SLC13A4: variants seen among roughly 807,000 people sequenced by gnomAD.
The protein encoded by SLC13A4 is solute carrier family 13 member 4.
SLC13A4 carries 28 observed loss-of-function variants against 72.7 expected under a neutral mutation model. The observed-to-expected ratio is 0.39, with a 90% CI of 0.29 to 0.53. The LOEUF (loss-of-function observed/expected upper bound fraction) is 0.53, where lower values mean the gene tolerates loss of function less well. Ranked by LOEUF, SLC13A4 falls within the 20% of genes least tolerant of loss-of-function variation. The probability of loss-of-function intolerance (pLI) is 0.78; values close to 1 mark genes in which losing one functional copy is unlikely to be tolerated. For missense variants in SLC13A4, 653 were observed against 788.0 expected (o/e 0.83, Z 2.05); for synonymous variants, 312 against 325.5 (o/e 0.96, Z 0.45).
chr7:135,691,072 G>A (rs781046369), intron 13 of SLC13A4, 129 bp downstream of exon 13: 14 of 752,674 alleles, frequency 1.9e-5, no homozygotes, highest in Non-Finnish European at 2.4e-5. Flanking sequence ...GCTGAGGCAA[G>A]AGAATCGCTT....
chr7:135,716,945 A>G (rs1162939365), intron 2 of SLC13A4, among the ~76,000 whole-genome samples: 1 of 152,188 alleles, frequency 6.6e-6, no homozygotes, highest in African/African-American at 2.4e-5. Context: ...CTAAAAGCCA[A>G]GGGTCTTTTT....
chr7:135,720,692 T>A (rs1050260693), intron 2 of SLC13A4, among the ~76,000 whole-genome samples: 2 of 152,052 alleles, frequency 1.3e-5, no homozygotes, highest in African/African-American at 4.8e-5. Flanking sequence ...CTGGCTGTTT[T>A]GTTTTGTTTT....
intron 9 of SLC13A4, among the ~76,000 whole-genome samples, chr7:135,695,036 T>C (rs1288611508): frequency 1.3e-5 from 2 of 152,216 alleles, no homozygotes; most frequent in Non-Finnish European, 2.9e-5. Context: ...CTTGGAGTAA[T>C]TGGAAGTGCT....
intron 2 of SLC13A4, among the ~76,000 whole-genome samples, chr7:135,714,244 C>T (rs187819274): frequency 6.6e-6 from 1 of 152,134 alleles, no homozygotes; most frequent in East Asian, 1.9e-4. Flanking sequence ...GTAGAGAGAC[C>T]CAGATGGGTG....
intron 8 of SLC13A4, among the ~76,000 whole-genome samples, chr7:135,696,494 A>T (rs1795908213): frequency 6.6e-6 from 1 of 152,080 alleles, no homozygotes; most frequent in Non-Finnish European, 1.5e-5. Flanking sequence ...GATTACATAC[A>T]GGAGCACACT....
chr7:135,718,212 A>T (rs1307086954), intron 2 of SLC13A4, among the ~76,000 whole-genome samples: 5 of 152,034 alleles, frequency 3.3e-5, no homozygotes, highest in Non-Finnish European at 7.4e-5. Context: ...GAGAGATGAC[A>T]TTTTGTTTAT....
chr7:135,681,433 G>A lies in SLC13A4; in HGVS notation c.*130C>T. The A allele has an allele frequency of 1.7e-6, 2 of 1,159,364 alleles. No homozygotes were observed. The highest frequency in any genetic ancestry group is 2.4e-6 in the Non-Finnish European group (2 of 829,916). The allele number at this position is 1,159,364 out of a possible 1,614,324, so 71.8% of individuals were successfully genotyped here. A position where few individuals can be genotyped will look rare whatever the true frequency, so the allele number is the denominator to read the frequency against. ...ACTTGAGGTGGCGGAATCTTCTGGT[G>A]GAGGGATGCCCTCCGGCGTGGGTCT... On this transcript the variant is annotated 3_prime_UTR_variant, in exon 16 of 16. Transcript: ENST00000682651.
chr7:135,722,006 C>G (rs935754506), intron 1 of SLC13A4, among the ~76,000 whole-genome samples: 1 of 152,098 alleles, frequency 6.6e-6, no homozygotes, highest in Non-Finnish European at 1.5e-5. Flanking sequence ...TTTGGGAGGC[C>G]AAGGTGGGAG....
At chr7:135,724,096 TC>T (rs1353097029) in intron 1 of SLC13A4, among the ~76,000 whole-genome samples, 1 of 152,204 alleles carries the variant, frequency 6.6e-6, no homozygotes. Flanking sequence ...TGTCTGCCCC[TC>T]ACTGGGGACC....
intron 13 of SLC13A4, among the ~76,000 whole-genome samples, chr7:135,687,422 T>A (rs1253861148): frequency 3.3e-5 from 5 of 152,206 alleles, no homozygotes; most frequent in Non-Finnish European, 7.3e-5. Flanking sequence ...CTTTTTCTCC[T>A]CTCTTCCAAA....
intron 4 of SLC13A4, 63 bp from the exon 5 acceptor site, chr7:135,705,713 G>T: frequency 6.8e-7 from 1 of 1,468,876 alleles, no homozygotes; most frequent in South Asian, 1.1e-5. Flanking sequence ...CTGTGGGTTG[G>T]AGCATAGCTC....
intron 5 of SLC13A4, chr7:135,703,211 A>G (rs780099214): frequency 9.4e-5 from 29 of 310,024 alleles, no homozygotes; most frequent in Non-Finnish European, 1.6e-4. Flanking sequence ...GTTAATCCTC[A>G]TCACAGATCT....
At chr7:135,725,916 C>CTACGA (rs1796645212) in intron 1 of SLC13A4, among the ~76,000 whole-genome samples, 1 of 152,290 alleles carries the variant, frequency 6.6e-6, no homozygotes, top group Admixed American at 6.5e-5. Context: ...CTGCAGTGAG[C>CTACGA]TACGATTGTG....
chr7:135,723,644 G>A (rs909038565), intron 1 of SLC13A4, among the ~76,000 whole-genome samples: 2 of 152,310 alleles, frequency 1.3e-5, no homozygotes, highest in East Asian at 1.9e-4. Context: ...GGCCCCTTGA[G>A]TTCAGAACAC....
At chr7:135,711,782 G>A (rs1796308372) in intron 2 of SLC13A4, among the ~76,000 whole-genome samples, 1 of 151,912 alleles carries the variant, frequency 6.6e-6, no homozygotes, top group African/African-American at 2.4e-5. Context: ...TTTTGAGACA[G>A]AGAGTTGTTC....
intron 7 of SLC13A4, among the ~76,000 whole-genome samples, chr7:135,700,982 C>T (rs1209024991): frequency 6.6e-6 from 1 of 152,160 alleles, no homozygotes; most frequent in Non-Finnish European, 1.5e-5. Flanking sequence ...GGGTTAATTG[C>T]ATGTGGTCAA....
chr7:135,704,187 A>C (rs1217547507), intron 5 of SLC13A4: 1 of 152,402 alleles, frequency 6.6e-6, no homozygotes, highest in Non-Finnish European at 1.5e-5. Context: ...CCAGAGGCAG[A>C]GGCAGCCCCA....
intron 15 of SLC13A4, 152 bp downstream of exon 15, chr7:135,683,972 T>G: frequency 1.1e-6 from 1 of 952,216 alleles, no homozygotes; most frequent in East Asian, 3.0e-5. Flanking sequence ...AACAAAAACC[T>G]TTTTATAGGT....
chr7:135,708,275 T>C (rs2129494869), intron 2 of SLC13A4, 25 bp from the exon 3 acceptor site: 2 of 1,613,698 alleles, frequency 1.2e-6, no homozygotes, highest in Non-Finnish European at 1.7e-6. Context: ...GGCATGTCAG[T>C]CACCCTCCCG....
Sources: gnomAD v4.1 joint callset for allele counts (sites outside exome capture counted in the v4.1 genomes callset) on GRCh38, gnomAD v4.1.1 for gene constraint, MANE v1.5 for transcripts, NCBI Gene and HGNC (gene_info 2026-07-23, HGNC 2026-07-21) for gene names.